Variants in QSER1 observed in about 807,000 individuals in gnomAD.
QSER1 encodes the protein glutamine and serine rich 1.
A neutral mutation model predicts 158.5 loss-of-function variants in QSER1; 49 were observed. The observed-to-expected ratio is 0.31, with a 90% CI of 0.25 to 0.39. The LOEUF is 0.39. Among genes scored for constraint, QSER1 ranks in the 10% least tolerant of loss-of-function variants. The pLI, the probability that QSER1 is intolerant of heterozygous loss-of-function variation, is 1.00. For synonymous variants in QSER1, 650 were observed against 715.5 expected (o/e 0.91, Z 1.46); for missense variants, 1,754 against 2,010.3 (o/e 0.87, Z 2.44).
intron 4 of QSER1, among the ~76,000 whole-genome samples, chr11:32,945,478 T>C (rs911389766): frequency 6.6e-6 from 1 of 152,046 alleles, no homozygotes; most frequent in Admixed American, 6.6e-5. Flanking sequence ...AAGTATTTTA[T>C]TTCTCCTTCA....
At chr11:32,976,267 G>A (rs1852975553) in intron 12 of QSER1, 67 bp from the exon 13 acceptor site, 6 of 1,320,840 alleles carry the variant, frequency 4.5e-6, no homozygotes, top group Non-Finnish European at 6.1e-6. Context: ...TAAAATACCA[G>A]TACTTGTAGT....
intron 1 of QSER1, among the ~76,000 whole-genome samples, chr11:32,925,715 A>G (rs1590726907): frequency 6.6e-6 from 1 of 151,630 alleles, no homozygotes; most frequent in Admixed American, 6.6e-5. Flanking sequence ...TTTAGTAGAG[A>G]TGGGGTTTTG....
intron 1 of QSER1, among the ~76,000 whole-genome samples, chr11:32,916,151 T>C (rs1451290446): frequency 1.6e-4 from 25 of 152,220 alleles, no homozygotes; most frequent in Admixed American, 1.6e-3. Flanking sequence ...TCCGCCTGCC[T>C]CGGCCTCCCA....
At chr11:32,949,417 G>A (rs1441986556) in intron 4 of QSER1, among the ~76,000 whole-genome samples, 1 of 152,032 alleles carries the variant, frequency 6.6e-6, no homozygotes, top group Non-Finnish European at 1.5e-5. Context: ...AAAAGTGAAG[G>A]ACAAATAAAA....
At chr11:32,930,860 T>A (rs1027654870) in intron 3 of QSER1, among the ~76,000 whole-genome samples, 1 of 152,222 alleles carries the variant, frequency 6.6e-6, no homozygotes, top group Non-Finnish European at 1.5e-5. Flanking sequence ...GTGGCTAAAA[T>A]GCTGTCCTGA....
intron 1 of QSER1, among the ~76,000 whole-genome samples, chr11:32,901,434 G>T (rs999605691): frequency 6.6e-6 from 1 of 152,202 alleles, no homozygotes; most frequent in Non-Finnish European, 1.5e-5. Flanking sequence ...GGGGATCATG[G>T]TAGCATTTGT....
Position 32,933,270 on chromosome 11 carries a change from C to G in QSER1, c.2012C>G (p.Pro671Arg). The G allele has an allele frequency of 3.1e-6, 5 of 1,612,346 alleles. No homozygotes were observed. The highest frequency in any genetic ancestry group is 4.2e-6 in the Non-Finnish European group (5 of 1,179,500). The change falls in exon 4 of 13, where the codon CCA (proline) becomes CGA (arginine). Residue 671 changes from proline (P) to arginine (R), a missense_variant. Pro to Arg is a moderately radical substitution (Grantham distance 103, BLOSUM62 -2). Transcript: ENST00000650167. The part of the protein sequence containing the change: ...TLQNNITSPD[P>R]KSYAERKLDS... ...CAAAATAACATAACTTCCCCTGACC[C>G]AAAGTCTTATGCTGAAAGAAAGCTT...
intron 10 of QSER1, among the ~76,000 whole-genome samples, chr11:32,972,767 G>A (rs1012352450): frequency 1.3e-5 from 2 of 152,108 alleles, no homozygotes; most frequent in Non-Finnish European, 2.9e-5. Flanking sequence ...GAGTGGAATT[G>A]GTTTTGCCAC....
intron 1 of QSER1, among the ~76,000 whole-genome samples, chr11:32,910,026 A>C (rs533267059): frequency 6.6e-6 from 1 of 152,256 alleles, no homozygotes; most frequent in South Asian, 2.1e-4. Flanking sequence ...AAGGTTTTCC[A>C]TGTCTGACCG....
In QSER1 at chr11:32,931,813, ATC is replaced by A; in HGVS notation, c.563_564del (p.Ser188CysfsTer11). On this transcript the variant is annotated frameshift_variant, in exon 4 of 13. Coordinates refer to ENST00000650167, the MANE Select transcript of QSER1 (RefSeq NM_001076786.3). LOFTEE classifies it high-confidence loss of function. The part of the protein sequence containing the change: ...PLPSTGTLPP[S>X]LSAYQHPTTF... ...TGCCAAGCACTGGAACACTTCCACC[ATC>A]TCTCTCTGCTTATCAGCATCCCACC... is the stretch of plus-strand genomic sequence containing the variant. 6.2e-7 allele frequency: 1 copy of A among 1,614,072 alleles called. No individual in the cohort carries two copies. Among genetic ancestry groups the A allele is most frequent in the Non-Finnish European group, 8.5e-7 (1 of 1,179,966 alleles).
intron 4 of QSER1, among the ~76,000 whole-genome samples, chr11:32,951,168 A>G (rs1852415528): frequency 6.6e-6 from 1 of 152,204 alleles, no homozygotes; most frequent in Non-Finnish European, 1.5e-5. Flanking sequence ...TTTAATTATA[A>G]TCATCCTAGT....
chr11:32,919,078 A>G (rs1010198401), intron 1 of QSER1, among the ~76,000 whole-genome samples: 1 of 152,146 alleles, frequency 6.6e-6, no homozygotes, highest in Non-Finnish European at 1.5e-5. Flanking sequence ...GCAGATTTCC[A>G]TAGATTTACT....
In QSER1 at chr11:32,904,601, C is replaced by CTTT. The variant is rs61491135; in HGVS notation, c.209+11285_209+11287dup. 2.8e-3 allele frequency among the ~76,000 whole-genome samples: 325 copies of CTTT among 114,336 alleles called. 4 individuals carry two copies. Among genetic ancestry groups the CTTT allele is most frequent in the African/African-American group, 9.9e-3 (292 of 29,456 alleles). 75.0% of individuals were successfully genotyped at this position (114,336 alleles called of 152,430 possible). A position where few individuals can be genotyped will look rare whatever the true frequency, so the allele number is the denominator to read the frequency against. On this transcript the variant is annotated intron_variant, in intron 1 of 12. Transcript: ENST00000650167. ...TGGGCCTGGTTTCAGCATATCCACT[C>CTTT]TTTTTTTTTTTTTTTTTTTTGCAGA...
chr11:32,923,064 A>G (rs1851918969), intron 1 of QSER1, among the ~76,000 whole-genome samples: 1 of 152,224 alleles, frequency 6.6e-6, no homozygotes, highest in Admixed American at 6.5e-5. Flanking sequence ...GAAGGTTTTA[A>G]AAAACAAACC....
At chr11:32,938,437 G>A (rs1852184690) in intron 4 of QSER1, among the ~76,000 whole-genome samples, 1 of 152,190 alleles carries the variant, frequency 6.6e-6, no homozygotes, top group Admixed American at 6.5e-5. Flanking sequence ...GTAGAATTCT[G>A]ACTTTTGCAC....
At chr11:32,975,636 T>G (rs1031279801) in intron 12 of QSER1, 2 of 1,224,850 alleles carry the variant, frequency 1.6e-6, no homozygotes, top group African/African-American at 3.1e-5. Context: ...TTGCATTTTG[T>G]TCTCTCACAG....
intron 10 of QSER1, among the ~76,000 whole-genome samples, chr11:32,971,313 T>C (rs1008322910): frequency 6.6e-6 from 1 of 152,206 alleles, no homozygotes; most frequent in Non-Finnish European, 1.5e-5. Context: ...GATTTTTCTG[T>C]TCTTTAGAAA....
chr11:32,932,594 A>G lies in QSER1; in HGVS notation c.1336A>G (p.Ser446Gly). 6.2e-7 allele frequency: 1 copy of G among 1,614,104 alleles called. No homozygotes were observed. Among genetic ancestry groups the G allele is most frequent in the Non-Finnish European group, 8.5e-7 (1 of 1,180,002 alleles). ...CTATTCCAAACCTTTACATAATCAGAGTTCTGTAATATCGGGCCAAGCACA... is the reference window on the plus strand; with the variant it reads ...CTATTCCAAACCTTTACATAATCAGGGTTCTGTAATATCGGGCCAAGCACA... ...LSYSKPLHNQ[S>G]SVISGQAQIY... The change falls in exon 4 of 13, where the codon AGT becomes GGT. Residue 446 changes from serine to glycine, a missense_variant. By Grantham distance (56) the Ser-to-Gly change is moderately conservative. This residue lies in a region of QSER1 where 1,707 missense variants were observed against 1,919.6 expected (regional missense o/e 0.89). Transcript: ENST00000650167.
rs1287994661 is a variant in QSER1, at chr11:32,979,490, CT to C, written c.*3018del. On this transcript the variant is annotated 3_prime_UTR_variant, in exon 13 of 13. Transcript: ENST00000650167. ...CTCTTAAGTCATAAATGTATAATGA[CT>C]TATGAATTAGCACAGTTAAGTTGAC... 6.6e-6 allele frequency: 1 copy of C among 152,082 alleles called. No homozygotes were observed. The highest frequency in any genetic ancestry group is 1.9e-4 in the East Asian group (1 of 5,198). The allele number at this position is 152,082 out of a possible 1,614,324, so 9.4% of individuals were successfully genotyped here.
Sources: allele counts gnomAD v4.1 joint callset (sites outside exome capture counted in the v4.1 genomes callset), GRCh38; gene constraint gnomAD v4.1.1; regional missense constraint gnomAD v4.1.1; transcripts MANE v1.5; gene names NCBI Gene and HGNC (gene_info 2026-07-23, HGNC 2026-07-21).